Variants in FAM13B observed in about 807,000 individuals in gnomAD.
FAM13B encodes the protein family with sequence similarity 13 member B, also known as protein FAM13B.
A neutral mutation model predicts 117.3 loss-of-function variants in FAM13B; 60 were observed. The ratio of observed to expected loss-of-function variants is 0.51; its 90% CI spans 0.42 to 0.63. The LOEUF (loss-of-function observed/expected upper bound fraction) is 0.63. FAM13B is among the 30% of genes least tolerant of loss of function. FAM13B has a pLI of 0.00. For missense variants in FAM13B, 972 were observed against 1,091.9 expected, an observed-to-expected ratio of 0.89 and a Z score of 1.55; for synonymous variants, 332 against 356.1, an observed-to-expected ratio of 0.93 and a Z score of 0.76.
At chr5:138,005,586 A>C (rs1489871842) in intron 7 of FAM13B, among the ~76,000 whole-genome samples, 2 of 151,954 alleles carry the variant, frequency 1.3e-5, no homozygotes. Flanking sequence ...TTAATATATA[A>C]TTAAAATACA....
chr5:137,981,540 C>T (rs1314909379), intron 10 of FAM13B, among the ~76,000 whole-genome samples: 1 of 152,154 alleles, frequency 6.6e-6, no homozygotes, highest in East Asian at 1.9e-4. Flanking sequence ...AATCCCAGCA[C>T]TTTGGGAAGC....
intron 4 of FAM13B, among the ~76,000 whole-genome samples, chr5:138,015,702 C>G (rs1010047027): frequency 1.9e-4 from 29 of 151,892 alleles, no homozygotes; most frequent in African/African-American, 7.0e-4. Flanking sequence ...GACTCTGTCT[C>G]AAAGAATAAA....
chr5:137,954,462 TAAATC>T, intron 14 of FAM13B, 86 bp from the exon 15 acceptor site: 1 of 951,718 alleles, frequency 1.1e-6, no homozygotes, highest in Non-Finnish European at 1.6e-6. Flanking sequence ...ATGTGTTCCT[TAAATC>T]ATATCATTAT....
chr5:137,945,854 G>T, intron 20 of FAM13B, 48 bp downstream of exon 20: 1 of 1,397,706 alleles, frequency 7.2e-7, no homozygotes, highest in Non-Finnish European at 1.0e-6. Context: ...TTTGGGAAGA[G>T]TACATCTTGA....
chr5:138,046,207 A>G (rs6596420), intron 1 of FAM13B, among the ~76,000 whole-genome samples: 149,205 of 152,326 alleles, frequency 0.98, 73,149 homozygotes, highest in East Asian at 1. Flanking sequence ...TCCTTCCTTC[A>G]ACCATGATTG....
intron 10 of FAM13B, among the ~76,000 whole-genome samples, chr5:137,980,240 G>A (rs1415507578): frequency 6.6e-6 from 1 of 151,406 alleles, no homozygotes; most frequent in Non-Finnish European, 1.5e-5. Context: ...CAAGTAAACA[G>A]GTATTATTGT....
chr5:137,941,809 G>C, intron 23 of FAM13B, 135 bp downstream of exon 23: 1 of 684,036 alleles, frequency 1.5e-6, no homozygotes. Flanking sequence ...AGAGCATAAA[G>C]GAATGTTTTA....
rs1369295208 is a variant in FAM13B at position 137,948,939 on chromosome 5, C to T, written c.2160+16G>A. 1.2e-6 allele frequency: 2 copies of T among 1,600,838 alleles called. No individual in the cohort carries two copies. The highest frequency in any genetic ancestry group is 2.2e-5 in the South Asian group (2 of 90,726). ...TCTAAAGGCTAATCTGGGCAAAAAT[C>T]ATAGCTCAAGATTACCTTGATATCT... is the stretch of plus-strand genomic sequence containing the variant. On this transcript the variant is annotated intron_variant, in intron 18 of 23. Transcript: ENST00000689681.
At chr5:137,940,848 T>C (rs1321852119) in intron 23 of FAM13B, among the ~76,000 whole-genome samples, 6 of 152,188 alleles carry the variant, frequency 3.9e-5, no homozygotes, top group Admixed American at 2.6e-4. Context: ...TAAGCAAAAT[T>C]TTCTCCCAAT....
intron 1 of FAM13B, among the ~76,000 whole-genome samples, chr5:138,023,905 C>A (rs188636572): frequency 2.0e-5 from 3 of 152,250 alleles, no homozygotes; most frequent in South Asian, 4.1e-4. Context: ...TTCTAGCTTG[C>A]GAACAGGTAC....
chr5:137,964,152 G>C (rs759685829), intron 10 of FAM13B, among the ~76,000 whole-genome samples: 19 of 152,096 alleles, frequency 1.2e-4, no homozygotes, highest in African/African-American at 4.3e-4. Flanking sequence ...CCATCTCCTG[G>C]GTTCAAGCGA....
At chr5:137,955,794 G>A (rs915873610) in intron 14 of FAM13B, among the ~76,000 whole-genome samples, 4 of 152,170 alleles carry the variant, frequency 2.6e-5, no homozygotes, top group Non-Finnish European at 5.9e-5. Flanking sequence ...ACCATGTTTG[G>A]CTAATATTTG....
At position 137,967,595 on chromosome 5, in the gene FAM13B, G is replaced by A. The variant is rs76652574; in HGVS notation, c.1180-5126C>T. On this transcript the variant is annotated intron_variant, in intron 10 of 23. Transcript: ENST00000689681. ...AGAAAAATGTGGATGTGGACAACTG[G>A]AAACAGAAAAGACGAGACCCATCAT... 4.5e-4 allele frequency among the ~76,000 whole-genome samples: 68 copies of A among 152,140 alleles called. No individual in the cohort carries two copies. The East Asian group carries it at 0.012, about 28-fold the overall frequency.
upstream of FAM13B, among the ~76,000 whole-genome samples, chr5:138,035,317 G>T (rs1791053932): frequency 6.6e-6 from 1 of 151,662 alleles, no homozygotes; most frequent in African/African-American, 2.4e-5. Flanking sequence ...GGCCTCCCTT[G>T]CGTTTTTATA....
At chr5:137,984,306 C>T (rs1031681377) in intron 10 of FAM13B, among the ~76,000 whole-genome samples, 2 of 152,130 alleles carry the variant, frequency 1.3e-5, no homozygotes, top group Admixed American at 6.5e-5. Flanking sequence ...TCCATTTCTA[C>T]GGGTGTCTCC....
Position 137,966,482 on chromosome 5 carries a change from TATATATAG to T in FAM13B, c.1180-4021_1180-4014del, listed in dbSNP as rs1314805570. Among the ~76,000 whole-genome samples, 455 of 53,818 alleles carry T rather than the reference TATATATAG, an allele frequency of 8.5e-3. 1 individual carries two copies. Among genetic ancestry groups the T allele is most frequent in the African/African-American group, 0.016 (225 of 14,056 alleles). 35.3% of individuals were successfully genotyped at this position (53,818 alleles called of 152,430 possible). Reference sequence around the variant, plus strand: ...TTTTATATATATATATATATATATATATATATAGAGAGAGAGAGAGAGAGAGAGAGAGA... The same window carrying T: ...TTTTATATATATATATATATATATATAGAGAGAGAGAGAGAGAGAGAGAGA... On this transcript the variant is annotated intron_variant, in intron 10 of 23. Transcript: ENST00000689681.
At position 138,043,600 on chromosome 5, in the gene FAM13B, C is replaced by T. The variant is rs544834822; in HGVS notation, c.-203+8278G>A. ...GACTACAGGCGCACGCCACCACGCC[C>T]GGCTGATTTTTTGTATTTTAGTAGA... is the stretch of plus-strand genomic sequence containing the variant. On this transcript the variant is annotated intron_variant, in intron 1 of 3. Coordinates refer to the FAM13B transcript ENST00000502471. Among the ~76,000 whole-genome samples, 42 of 152,064 alleles carry T rather than the reference C, an allele frequency of 2.8e-4. No homozygotes were observed. In the South Asian group the frequency reaches 4.4e-3, roughly 16 times the overall value.
intron 10 of FAM13B, 96 bp downstream of exon 10, chr5:137,985,161 G>T: frequency 8.4e-7 from 1 of 1,196,124 alleles, no homozygotes; most frequent in Non-Finnish European, 1.2e-6. Context: ...ACAATTAAGT[G>T]TATCAGCAAA....
At chr5:137,985,859 T>A (rs903056904) in intron 9 of FAM13B, among the ~76,000 whole-genome samples, 4 of 152,190 alleles carry the variant, frequency 2.6e-5, no homozygotes, top group African/African-American at 9.7e-5. Flanking sequence ...ATGATACCAC[T>A]ACCCTCAATA....
Sources: gnomAD v4.1 joint callset for allele counts (sites outside exome capture counted in the v4.1 genomes callset) on GRCh38, gnomAD v4.1.1 for gene constraint, MANE v1.5 for transcripts, NCBI Gene and HGNC (gene_info 2026-07-23, HGNC 2026-07-21) for gene names.